The following CHRDL2 variants were observed in gnomAD, a reference collection of about 807,000 sequenced individuals.
CHRDL2 encodes the protein chordin like 2.
A neutral mutation model predicts 54.3 loss-of-function variants in CHRDL2; 41 were observed. The observed-to-expected ratio is 0.76, with a 90% CI of 0.59 to 0.98. The LOEUF (loss-of-function observed/expected upper bound fraction) is 0.98. CHRDL2 is among the 50% of genes least tolerant of loss of function. The pLI, the probability that CHRDL2 is intolerant of heterozygous loss-of-function variation, is 0.00. For synonymous variants in CHRDL2, 220 were observed against 224.3 expected (o/e 0.98, Z 0.17); for missense variants, 518 against 562.4 (o/e 0.92, Z 0.80).
At chr11:74,705,925 C>T (rs1326219239) in intron 6 of CHRDL2, among the ~76,000 whole-genome samples, 3 of 152,168 alleles carry the variant, frequency 2.0e-5, no homozygotes, top group Admixed American at 1.3e-4. Flanking sequence ...TGGAGTTGTT[C>T]ATGTGGCAGA....
At chr11:74,717,109 CA>C (rs370739692) in intron 2 of CHRDL2, among the ~76,000 whole-genome samples, 29 of 151,634 alleles carry the variant, frequency 1.9e-4, no homozygotes, top group South Asian at 1.3e-3. Flanking sequence ...AACAAACAAA[CA>C]AAAAAAAAAA....
At chr11:74,703,231 T>C (rs938041586) in intron 8 of CHRDL2, 74 bp downstream of exon 8, 1 of 1,487,490 alleles carries the variant, frequency 6.7e-7, no homozygotes, top group Admixed American at 2.2e-5. Flanking sequence ...GCTCCAAGTG[T>C]CTGTGGCCCT....
At chr11:74,697,668 C>T in intron 9 of CHRDL2, 1 of 457,944 alleles carries the variant, frequency 2.2e-6, no homozygotes, top group South Asian at 1.6e-5. Context: ...TGTCTGTTCT[C>T]TTTGCTGATC....
Position 74,703,411 on chromosome 11 carries a change from G to C in CHRDL2, c.840C>G (p.Cys280Trp), listed in dbSNP as rs780908509. The stretch of plus-strand genomic sequence containing the variant: ...AGTCCTGGCGGCCATCCTCACAGGT[G>C]CATAGGATGCAGGGCAAGGGGCCGA... ...RAFGPLPCIL[C>W]TCEDGRQDCQ... Residue 280 changes from cysteine (C) to tryptophan (W), a missense_variant, in exon 8 of 11, where the codon TGC becomes TGG. Physicochemically the swap from Cys to Trp is radical, Grantham distance 215. Coordinates refer to ENST00000376332, the MANE Select transcript of CHRDL2 (RefSeq NM_001278473.3). 8.1e-6 allele frequency: 13 copies of C among 1,613,696 alleles called. No homozygotes were observed. Among genetic ancestry groups the C allele is most frequent in the Non-Finnish European group, 9.3e-6 (11 of 1,179,922 alleles).
chr11:74,717,115 A>AC lies in CHRDL2; in HGVS notation c.195+1604_195+1605insG, dbSNP rs1245167390. On this transcript the variant is annotated intron_variant, in intron 2 of 10. Transcript: ENST00000376332. ...TCTCAAACAAACAAACAAACAAAAA[A>AC]AAAAAACCATTCTCACTGCCGCGTG... is the stretch of plus-strand genomic sequence containing the variant. Among the ~76,000 whole-genome samples, 652 of 151,468 alleles carry AC rather than the reference A, an allele frequency of 4.3e-3. 4 individuals are homozygous for AC. Among genetic ancestry groups the AC allele is most frequent in the African/African-American group, 0.015 (615 of 41,310 alleles).
intron 2 of CHRDL2, among the ~76,000 whole-genome samples, chr11:74,714,419 G>A (rs1421990774): frequency 1.3e-5 from 2 of 152,184 alleles, no homozygotes; most frequent in Non-Finnish European, 2.9e-5. Flanking sequence ...AGTTGGCGAA[G>A]TTTGTTTCTA....
intron 4 of CHRDL2, among the ~76,000 whole-genome samples, chr11:74,709,171 G>A (rs573442499): frequency 6.6e-6 from 1 of 152,338 alleles, no homozygotes; most frequent in East Asian, 1.9e-4. Flanking sequence ...TGAGAAGGAA[G>A]AAGGGGAGGC....
At chr11:74,718,893 A>T in intron 1 of CHRDL2, 61 bp from the exon 2 acceptor site, 2 of 1,013,728 alleles carry the variant, frequency 2.0e-6, no homozygotes, top group Non-Finnish European at 3.0e-6. Context: ...ACCCTGTCTC[A>T]TTTCTCCTTC....
chr11:74,718,788 CG>C lies in CHRDL2; in HGVS notation c.126del (p.Gly43AlafsTer13). The C allele has an allele frequency of 2.5e-6, 4 of 1,613,558 alleles. No homozygotes were observed. The highest frequency in any genetic ancestry group is 3.4e-6 in the Non-Finnish European group (4 of 1,179,766). Reference protein sequence around the residue: ...FCLFHGKRYSPGESWHPYLEP... With the variant: ...FCLFHGKRYSXGESWHPYLEP... The stretch of plus-strand genomic sequence containing the variant: ...TCCAAGTAGGGGTGCCAGCTCTCGC[CG>C]GGGGAGTATCTCTTCCCATGGAAAA... On this transcript the variant is annotated frameshift_variant, in exon 2 of 11. Coordinates refer to ENST00000376332, the MANE Select transcript of CHRDL2 (RefSeq NM_001278473.3). LOFTEE classifies it high-confidence loss of function.
intron 1 of CHRDL2, among the ~76,000 whole-genome samples, chr11:74,720,524 C>A (rs532993335): frequency 2.2e-4 from 34 of 152,306 alleles, no homozygotes; most frequent in African/African-American, 8.2e-4. Context: ...TCTGCCCCAC[C>A]AGCCACCATC....
intron 1 of CHRDL2, among the ~76,000 whole-genome samples, chr11:74,725,270 C>T (rs770697829): frequency 5.3e-5 from 8 of 151,934 alleles, no homozygotes; most frequent in Non-Finnish European, 1.2e-4. Flanking sequence ...GGATTACAGG[C>T]GGGAGCCACC....
chr11:74,730,396 A>G (rs2034633419), intron 1 of CHRDL2, among the ~76,000 whole-genome samples: 1 of 152,214 alleles, frequency 6.6e-6, no homozygotes, highest in Non-Finnish European at 1.5e-5. Context: ...AAAGAGAGAA[A>G]AGAATGGGAA....
intron 6 of CHRDL2, 107 bp downstream of exon 6, chr11:74,706,380 C>A: frequency 1.8e-6 from 2 of 1,133,668 alleles, no homozygotes; most frequent in Non-Finnish European, 2.6e-6. Flanking sequence ...AGGGGACAAA[C>A]AAGAAATGAG....
chr11:74,704,751 G>C (rs757070882), intron 6 of CHRDL2, 97 bp from the exon 7 acceptor site: 13 of 1,254,806 alleles, frequency 1.0e-5, no homozygotes, highest in Admixed American at 6.2e-5. Flanking sequence ...AGGCTGTGGG[G>C]AGACCCCAGC....
chr11:74,715,974 T>C (rs1591364463), intron 2 of CHRDL2, among the ~76,000 whole-genome samples: 1 of 151,640 alleles, frequency 6.6e-6, no homozygotes, highest in South Asian at 2.1e-4. Flanking sequence ...CGAGACTCTG[T>C]CTCAAAATAA....
intron 6 of CHRDL2, 53 bp from the exon 7 acceptor site, chr11:74,704,707 C>T: frequency 6.4e-7 from 1 of 1,564,034 alleles, no homozygotes; most frequent in Non-Finnish European, 8.7e-7. Flanking sequence ...CAGGCCCCAG[C>T]TGGAGCCAGA....
chr11:74,714,420 T>G (rs1199694341), intron 2 of CHRDL2, among the ~76,000 whole-genome samples: 1 of 152,132 alleles, frequency 6.6e-6, no homozygotes, highest in East Asian at 1.9e-4. Context: ...GTTGGCGAAG[T>G]TTGTTTCTAG....
chr11:74,700,656 T>TTTTTA, intron 9 of CHRDL2, among the ~76,000 whole-genome samples: 1 of 150,180 alleles, frequency 6.7e-6, no homozygotes, highest in Non-Finnish European at 1.5e-5. Flanking sequence ...TTTTTTTTTT[T>TTTTTA]GAGACGGAGT....
At chr11:74,701,588 T>G (rs1591349222) in intron 9 of CHRDL2, 1 of 717,564 alleles carries the variant, frequency 1.4e-6, no homozygotes, top group Non-Finnish European at 2.6e-6. Context: ...CGTCCTCCAC[T>G]TACTGGCTGT....
Sources: allele counts gnomAD v4.1 joint callset (sites outside exome capture counted in the v4.1 genomes callset), GRCh38; gene constraint gnomAD v4.1.1; transcripts MANE v1.5; gene names NCBI Gene and HGNC (gene_info 2026-07-23, HGNC 2026-07-21).